LRRFIP1: variants seen among roughly 807,000 people sequenced by gnomAD.
LRRFIP1 encodes the protein leucine-rich repeat flightless-interacting protein 1.
A neutral mutation model predicts 104.4 loss-of-function variants in LRRFIP1; 62 were observed. The observed-to-expected ratio is 0.59, with a 90% confidence interval of 0.48 to 0.73. LRRFIP1 has a LOEUF of 0.73. Ranked by LOEUF, LRRFIP1 falls within the 30% of genes least tolerant of loss-of-function variation. The probability of loss-of-function intolerance (pLI) is 0.00; values close to 1 mark genes in which losing one functional copy is unlikely to be tolerated. For missense variants in LRRFIP1, 796 were observed against 824.5 expected, an observed-to-expected ratio of 0.97 and a Z score of 0.42; for synonymous variants, 300 against 299.0, an observed-to-expected ratio of 1.00 and a Z score of -0.03.
At chr2:237,683,812 A>G (rs948330655) in intron 1 of LRRFIP1, among the ~76,000 whole-genome samples, 10 of 152,196 alleles carry the variant, frequency 6.6e-5, no homozygotes, top group Admixed American at 6.5e-4. Flanking sequence ...TCTGCCCTTC[A>G]GTCAGGGAGC....
chr2:237,677,763 C>T (rs985620342), intron 1 of LRRFIP1, among the ~76,000 whole-genome samples: 8 of 152,116 alleles, frequency 5.3e-5, no homozygotes, highest in African/African-American at 1.4e-4. Context: ...CCTGTGGTAC[C>T]GGGAGGCCAC....
intron 1 of LRRFIP1, among the ~76,000 whole-genome samples, chr2:237,665,585 A>T (rs1292681998): frequency 6.6e-5 from 10 of 152,262 alleles, no homozygotes; most frequent in Admixed American, 5.2e-4. Flanking sequence ...GCCAAAAACA[A>T]CTACAAAAAT....
chr2:237,724,997 C>T lies in LRRFIP1; in HGVS notation c.384+1411C>T, dbSNP rs183920360. 7.4e-4 allele frequency among the ~76,000 whole-genome samples: 113 copies of T among 152,258 alleles called. 1 individual carries two copies. The South Asian group carries it at 0.023, about 31-fold the overall frequency. On this transcript the variant is annotated intron_variant, in intron 7 of 23. Transcript: ENST00000308482. ...CCAAAAAGTTGGCAGTGGACTTTTG[C>T]GTGGTCCCATGGGAAGGTCACAGAC...
At chr2:237,741,040 C>G (rs1401936499) in intron 11 of LRRFIP1, among the ~76,000 whole-genome samples, 3 of 152,210 alleles carry the variant, frequency 2.0e-5, no homozygotes, top group Non-Finnish European at 4.4e-5. Flanking sequence ...GCTCTGCCCA[C>G]CTGGCCTCAC....
In LRRFIP1 at chr2:237,708,449, T is replaced by G. The variant is rs1575674041; in HGVS notation, c.97-95T>G. 1.3e-5 allele frequency: 12 copies of G among 900,840 alleles called. No individual in the cohort carries two copies. In the East Asian group the frequency reaches 3.2e-4, roughly 24 times the overall value. The allele number at this position is 900,840 out of a possible 1,614,324, so 55.8% of individuals were successfully genotyped here. A position where few individuals can be genotyped will look rare whatever the true frequency, so the allele number is the denominator to read the frequency against. The stretch of plus-strand genomic sequence containing the variant: ...TTATTGCTGTATATCTGTTAAACTC[T>G]GAACAAGATTTTCTTTCCGCATCAT... On this transcript the variant is annotated intron_variant, in intron 1 of 23. Transcript: ENST00000308482.
chr2:237,702,396 G>C (rs1395250715), intron 1 of LRRFIP1, among the ~76,000 whole-genome samples: 1 of 152,118 alleles, frequency 6.6e-6, no homozygotes, highest in East Asian at 1.9e-4. Context: ...GGCCAGGATG[G>C]GTGGGATCCC....
chr2:237,755,135 C>T (rs1478365802), intron 15 of LRRFIP1, among the ~76,000 whole-genome samples: 1 of 152,176 alleles, frequency 6.6e-6, no homozygotes, highest in African/African-American at 2.4e-5. Flanking sequence ...TGAGTTGGGT[C>T]TCAGGCCGTC....
chr2:237,765,278 AACAC>A (rs374059561), intron 19 of LRRFIP1: 33,282 of 162,832 alleles, frequency 0.2, 4,091 homozygotes, highest in East Asian at 0.45. Flanking sequence ...AAAAAAAAAA[AACAC>A]ACACACACAC....
At chr2:237,627,921 C>T (rs1164122264) in intron 1 of LRRFIP1, among the ~76,000 whole-genome samples, 181 bp downstream of exon 1, 2 of 150,880 alleles carry the variant, frequency 1.3e-5, no homozygotes, top group African/African-American at 4.8e-5. Flanking sequence ...TGCGCCCCGG[C>T]CCCGATCTCC....
chr2:237,675,919 A>C (rs1417288251), intron 1 of LRRFIP1, among the ~76,000 whole-genome samples: 3 of 152,260 alleles, frequency 2.0e-5, no homozygotes, highest in African/African-American at 7.2e-5. Context: ...GTAAAGCAGT[A>C]GGTTGACCTG....
chr2:237,696,821 C>T (rs952314079), intron 1 of LRRFIP1, among the ~76,000 whole-genome samples: 3 of 152,200 alleles, frequency 2.0e-5, no homozygotes, highest in Admixed American at 6.5e-5. Context: ...CTGCTTTTGT[C>T]GCTGTTGTCA....
chr2:237,648,001 A>G (rs1241744759), intron 1 of LRRFIP1, among the ~76,000 whole-genome samples: 2 of 152,070 alleles, frequency 1.3e-5, no homozygotes, highest in Admixed American at 1.3e-4. Flanking sequence ...TGTTTCTTCG[A>G]TATTCTAAAT....
At chr2:237,752,420 G>A (rs917038215) in intron 14 of LRRFIP1, among the ~76,000 whole-genome samples, 1 of 152,184 alleles carries the variant, frequency 6.6e-6, no homozygotes, top group Non-Finnish European at 1.5e-5. Context: ...AAGAAAAAAT[G>A]CTGCTGGGGA....
chr2:237,651,000 G>T (rs2085851378), intron 1 of LRRFIP1, among the ~76,000 whole-genome samples: 1 of 152,158 alleles, frequency 6.6e-6, no homozygotes, highest in African/African-American at 2.4e-5. Flanking sequence ...ATGGGTTTCT[G>T]ATTAGGGGAG....
intron 14 of LRRFIP1, among the ~76,000 whole-genome samples, chr2:237,752,280 C>T (rs1409487427): frequency 3.3e-5 from 5 of 152,206 alleles, no homozygotes; most frequent in African/African-American, 1.2e-4. Context: ...GTGGTGCGCA[C>T]CTGTAATCCC....
intron 23 of LRRFIP1, among the ~76,000 whole-genome samples, chr2:237,778,112 T>C (rs1018170518): frequency 3.9e-5 from 6 of 152,242 alleles, no homozygotes; most frequent in African/African-American, 1.2e-4. Flanking sequence ...CTGTCATTTA[T>C]TGCTTCTGTT....
chr2:237,738,737 G>C (rs982923120), intron 10 of LRRFIP1, among the ~76,000 whole-genome samples: 1 of 152,202 alleles, frequency 6.6e-6, no homozygotes, highest in African/African-American at 2.4e-5. Context: ...AGGTAATCTG[G>C]CAATTTAAAA....
chr2:237,681,441 A>G (rs1393406902), intron 1 of LRRFIP1, among the ~76,000 whole-genome samples: 2 of 151,674 alleles, frequency 1.3e-5, no homozygotes, highest in Non-Finnish European at 2.9e-5. Context: ...ATCTTGGCTC[A>G]CTGCAACCTC....
At chr2:237,697,115 A>G (rs1173250115) in intron 1 of LRRFIP1, among the ~76,000 whole-genome samples, 1 of 152,116 alleles carries the variant, frequency 6.6e-6, no homozygotes, top group African/African-American at 2.4e-5. Flanking sequence ...TCCGTTTCCC[A>G]GGTGCAACCG....
Sources: gnomAD v4.1 joint callset for allele counts (sites outside exome capture counted in the v4.1 genomes callset) on GRCh38, gnomAD v4.1.1 for gene constraint, MANE v1.5 for transcripts, NCBI Gene and HGNC (gene_info 2026-07-23, HGNC 2026-07-21) for gene names.